Variants in DIAPH2 observed in about 807,000 individuals in gnomAD.
The protein encoded by DIAPH2 is diaphanous related formin 2, also known as protein diaphanous homolog 2.
In DIAPH2, 35 loss-of-function variants were observed where a neutral mutation model predicts 92.7. The observed-to-expected ratio is 0.38, with a 90% confidence interval of 0.29 to 0.50. DIAPH2 has a LOEUF of 0.50. Among genes scored for constraint, DIAPH2 ranks in the 20% least tolerant of loss-of-function variants. The pLI is 0.94. For synonymous variants in DIAPH2, 301 were observed against 280.4 expected (o/e 1.07, Z -0.73); for missense variants, 701 against 819.5 (o/e 0.86, Z 1.77).
chrX:97,473,037 T>A (rs1004192235), intron 26 of DIAPH2, among the ~76,000 whole-genome samples: 2 of 112,415 alleles, frequency 1.8e-5, no homozygotes, highest in Admixed American at 9.4e-5. Flanking sequence ...ATGAGTCCTG[T>A]TCTAACTATT....
At chrX:97,013,276 C>T (rs1404699916) in intron 17 of DIAPH2, among the ~76,000 whole-genome samples, 2 of 111,760 alleles carry the variant, frequency 1.8e-5, no homozygotes, top group African/African-American at 6.5e-5. Context: ...TAAATGACAG[C>T]AGACTGGGAC....
At chrX:97,133,787 AAT>A (rs1339680032) in intron 21 of DIAPH2, among the ~76,000 whole-genome samples, 1 of 112,344 alleles carries the variant, frequency 8.9e-6, no homozygotes, top group African/African-American at 3.2e-5. Context: ...ATGGAGCAGG[AAT>A]GAAGCTTCCT....
chrX:97,526,857 A>C (rs1602649193), intron 26 of DIAPH2, among the ~76,000 whole-genome samples: 1 of 111,238 alleles, frequency 9.0e-6, no homozygotes, highest in Non-Finnish European at 1.9e-5. Context: ...CCTTTTTCCC[A>C]TTCAACTTTT....
intron 19 of DIAPH2, among the ~76,000 whole-genome samples, chrX:97,080,464 C>T (rs1238999170): frequency 9.4e-6 from 1 of 106,277 alleles, no homozygotes; most frequent in Non-Finnish European, 1.9e-5. Context: ...CTATCCCCCA[C>T]AATCCCCCTC....
At chrX:97,098,551 A>G (rs1480403236) in intron 19 of DIAPH2, among the ~76,000 whole-genome samples, 1 of 112,722 alleles carries the variant, frequency 8.9e-6, no homozygotes. Context: ...CTTTATGACT[A>G]GTAGCTGGGA....
At chrX:96,815,950 C>T (rs768228941) in intron 4 of DIAPH2, among the ~76,000 whole-genome samples, 16 of 111,549 alleles carry the variant, frequency 1.4e-4, no homozygotes, top group East Asian at 2.8e-4. Context: ...GGATTACAGG[C>T]GTGAGCCACC....
rs749873535 is a variant in DIAPH2, at chrX:96,876,677, G to A, written c.448-4902G>A. ...TGGCAAGAACAAAAAACCAAACATC[G>A]CATGTTCTCACTCATAGGTGGGAAT... On this transcript the variant is annotated intron_variant, in intron 4 of 26. Coordinates refer to ENST00000324765, the MANE Select transcript of DIAPH2 (RefSeq NM_006729.5). 1.6e-4 allele frequency among the ~76,000 whole-genome samples: 17 copies of A among 108,476 alleles called. No homozygotes were observed. The South Asian group carries it at 5.9e-3, about 38-fold the overall frequency. The allele number at this position is 108,476 out of a possible 115,157, so 94.2% of individuals were successfully genotyped here. A position where few individuals can be genotyped will look rare whatever the true frequency, so the allele number is the denominator to read the frequency against.
rs781719726 is a variant in DIAPH2 at position 97,319,435 on chromosome X, C to T, written c.2845-28681C>T. Reference sequence around the variant, plus strand: ...ACGGAGTCTCGCTCTTTGGCCCAGGCCAGACTGCAGTGGCGCTATCTCGGC... The same window carrying T: ...ACGGAGTCTCGCTCTTTGGCCCAGGTCAGACTGCAGTGGCGCTATCTCGGC... On this transcript the variant is annotated intron_variant, in intron 23 of 26. Transcript: ENST00000324765. Among the ~76,000 whole-genome samples the T allele has an allele frequency of 1.7e-4, 18 of 108,867 alleles. No homozygotes were observed. In the South Asian group the frequency reaches 7.5e-3, roughly 45 times the overall value. The allele number at this position is 108,867 out of a possible 115,157, so 94.5% of individuals were successfully genotyped here.
chrX:97,585,035 A>G (rs2071470254), intron 26 of DIAPH2, among the ~76,000 whole-genome samples: 1 of 112,104 alleles, frequency 8.9e-6, no homozygotes, highest in Non-Finnish European at 1.9e-5. Flanking sequence ...TGAAACCTTC[A>G]TTAGTACAGT....
At chrX:97,393,103 A>C (rs773524961) in intron 25 of DIAPH2, among the ~76,000 whole-genome samples, 6 of 111,187 alleles carry the variant, frequency 5.4e-5, no homozygotes, top group Non-Finnish European at 9.4e-5. Flanking sequence ...CCAGAAGCAC[A>C]AGAAAGGAGA....
intron 26 of DIAPH2, among the ~76,000 whole-genome samples, chrX:97,502,407 A>G (rs1211408343): frequency 1.8e-5 from 2 of 112,347 alleles, no homozygotes; most frequent in Non-Finnish European, 3.8e-5. Context: ...TGAATTACAA[A>G]TGCATCATTT....
In DIAPH2 at chrX:97,507,141, C is replaced by CAAAAAAAAAAAAAAAAAAAAAAA. The variant is rs397896097; in HGVS notation, c.3241+77399_3241+77421dup. On this transcript the variant is annotated intron_variant, in intron 26 of 26. Transcript: ENST00000324765. ...AGGATACACCAGTGAACAAAACCGA[C>CAAAAAAAAAAAAAAAAAAAAAAA]AAAAAAAAAAAAAAAAAAAAAAAAA... Among the ~76,000 whole-genome samples, 7 of 31,120 alleles carry CAAAAAAAAAAAAAAAAAAAAAAA rather than the reference C, an allele frequency of 2.2e-4. 1 individual carries two copies. The highest frequency in any genetic ancestry group is 3.3e-4 in the Non-Finnish European group (6 of 18,412). The allele number at this position is 31,120 out of a possible 115,157, so 27.0% of individuals were successfully genotyped here.
At chrX:97,220,817 G>A (rs980069006) in intron 22 of DIAPH2, among the ~76,000 whole-genome samples, 2 of 112,012 alleles carry the variant, frequency 1.8e-5, no homozygotes, top group African/African-American at 6.5e-5. Flanking sequence ...TTGTCTAACG[G>A]CTGCTTAAAA....
At chrX:96,926,561 A>T (rs768307118) in intron 9 of DIAPH2, among the ~76,000 whole-genome samples, 12 of 111,473 alleles carry the variant, frequency 1.1e-4, no homozygotes, top group Non-Finnish European at 2.3e-4. Context: ...GTAGATGATT[A>T]TTGTAGAAAT....
chrX:97,252,140 C>G (rs966170929), intron 23 of DIAPH2, among the ~76,000 whole-genome samples: 2 of 112,008 alleles, frequency 1.8e-5, no homozygotes, highest in South Asian at 3.8e-4. Context: ...ACCACGATGT[C>G]GACCTTACTG....
Position 97,603,246 on chromosome X carries a change from C to CTT in DIAPH2, c.*3931_*3932dup, listed in dbSNP as rs1240125073. On this transcript the variant is annotated 3_prime_UTR_variant, in exon 27 of 27. Coordinates refer to ENST00000324765, the MANE Select transcript of DIAPH2 (RefSeq NM_006729.5). Reference sequence around the variant, plus strand: ...TTGTCCACTTATATAGTTATTTTCTCTTTAAAAAAAAATTTTTTTTAATGT... The same window carrying CTT: ...TTGTCCACTTATATAGTTATTTTCTCTTTTTAAAAAAAAATTTTTTTTAATGT... The CTT allele has an allele frequency of 1.8e-5, 2 of 108,719 alleles. No homozygotes were observed. The highest frequency in any genetic ancestry group is 3.8e-5 in the Non-Finnish European group (2 of 52,444). The allele number at this position is 108,719 out of a possible 1,213,427, so 9.0% of individuals were successfully genotyped here.
intron 26 of DIAPH2, among the ~76,000 whole-genome samples, chrX:97,433,196 T>C (rs1034475969): frequency 6.3e-5 from 7 of 110,485 alleles, no homozygotes; most frequent in African/African-American, 2.3e-4. Context: ...GTAGTGATAA[T>C]TGAAAATATT....
intron 17 of DIAPH2, among the ~76,000 whole-genome samples, chrX:96,989,999 TACAA>T (rs2066058300): frequency 8.9e-6 from 1 of 112,227 alleles, no homozygotes; most frequent in South Asian, 3.7e-4. Context: ...AAGTTGCACA[TACAA>T]ACACATCTTT....
chrX:97,359,713 G>C, intron 24 of DIAPH2, among the ~76,000 whole-genome samples: 1 of 107,857 alleles, frequency 9.3e-6, no homozygotes, highest in Non-Finnish European at 1.9e-5. Context: ...AAGTAGCTGG[G>C]ATTACAGGCA....
Sources: allele counts gnomAD v4.1 joint callset (sites outside exome capture counted in the v4.1 genomes callset), GRCh38; gene constraint gnomAD v4.1.1; transcripts MANE v1.5; gene names NCBI Gene and HGNC (gene_info 2026-07-23, HGNC 2026-07-21).